Variants in GNA11 observed in about 807,000 individuals in gnomAD.
GNA11 encodes guanine nucleotide-binding protein subunit alpha-11.
Under a neutral mutation model 38.2 loss-of-function variants are expected in GNA11, and 8 were observed. That is an observed-to-expected ratio of 0.21 (90% confidence interval 0.12 to 0.38). GNA11 has a LOEUF of 0.38. Among genes scored for constraint, GNA11 ranks in the 10% least tolerant of loss-of-function variants. GNA11 has a pLI of 1.00. For missense variants in GNA11, 268 were observed against 516.3 expected (o/e 0.52, Z 4.66); for synonymous variants, 211 against 221.4 (o/e 0.95, Z 0.42).
chr19:3,120,608 C>G lies in GNA11; in HGVS notation c.890-381C>G, dbSNP rs1034725567. ...CTGTTCCTGCTCTGTAGGCTCTGTG[C>G]CCAGCCCTGGGGGCCTCTCCTCTCA... On this transcript the variant is annotated intron_variant, in intron 6 of 6. Transcript: ENST00000078429. The surrounding 1 kb of genome is among the most constrained non-coding windows in gnomAD (Gnocchi z 5.9). Among the ~76,000 whole-genome samples, 1 of 152,138 alleles carries G rather than the reference C, an allele frequency of 6.6e-6. No individual in the cohort carries two copies. The highest frequency in any genetic ancestry group is 1.5e-5 in the Non-Finnish European group (1 of 67,992).
At position 3,120,712 on chromosome 19, in the gene GNA11, G is replaced by A. The variant is rs747100122; in HGVS notation, c.890-277G>A. Among the ~76,000 whole-genome samples the A allele has an allele frequency of 5.9e-5, 9 of 152,142 alleles. No homozygotes were observed. The highest frequency in any genetic ancestry group is 9.7e-5 in the African/African-American group (4 of 41,434). ...CTGTGGAGCTGAGTGGATAGAGGCC[G>A]GCAGAGGGCTGAGCAGAGGGAGCAG... On this transcript the variant is annotated intron_variant, in intron 6 of 6. Coordinates refer to ENST00000078429, the MANE Select transcript of GNA11 (RefSeq NM_002067.5). This position sits in a 1 kb window ranked among gnomAD's most constrained non-coding sequence, Gnocchi z 5.9.
chr19:3,112,650 C>T (rs893285176), intron 2 of GNA11, among the ~76,000 whole-genome samples: 1 of 152,238 alleles, frequency 6.6e-6, no homozygotes, highest in Admixed American at 6.5e-5. Context: ...TGATGCCACC[C>T]GCCGCCCAGG....
Position 3,094,845 on chromosome 19 carries a change from G to C in GNA11, c.136+58G>C, listed in dbSNP as rs1030767956. The C allele has an allele frequency of 1.5e-6, 2 of 1,326,064 alleles. No homozygotes were observed. Among genetic ancestry groups the C allele is most frequent in the South Asian group, 1.6e-5 (1 of 62,728 alleles). 82.1% of individuals were successfully genotyped at this position (1,326,064 alleles called of 1,614,324 possible). ...GCCCTGCCCTGCCTGTGCCTGCCCT[G>C]CCTGTCCGGGTCGGGCCGGGACCCT... On this transcript the variant is annotated intron_variant, in intron 1 of 6. Coordinates refer to ENST00000078429, the MANE Select transcript of GNA11 (RefSeq NM_002067.5). This position sits in a 1 kb window ranked among gnomAD's most constrained non-coding sequence, Gnocchi z 6.0.
chr19:3,119,922 A>C lies in GNA11; in HGVS notation c.889+563A>C, dbSNP rs572315003. On this transcript the variant is annotated intron_variant, in intron 6 of 6. Coordinates refer to ENST00000078429, the MANE Select transcript of GNA11 (RefSeq NM_002067.5). This position sits in a 1 kb window ranked among gnomAD's most constrained non-coding sequence, Gnocchi z 4.6. ...CCTGCCCCACGGGGTGTGTCAGGGCAGCTGAGCACTGAGGGTCTTCACATG... is the reference window on the plus strand; with the variant it reads ...CCTGCCCCACGGGGTGTGTCAGGGCCGCTGAGCACTGAGGGTCTTCACATG... Among the ~76,000 whole-genome samples the C allele has an allele frequency of 4.5e-4, 68 of 150,798 alleles. No individual in the cohort carries two copies. The highest frequency in any genetic ancestry group is 1.6e-3 in the African/African-American group (67 of 41,020).
chr19:3,106,135 G>A (rs1413629654), intron 1 of GNA11, among the ~76,000 whole-genome samples: 6 of 152,280 alleles, frequency 3.9e-5, no homozygotes, highest in South Asian at 4.1e-4. Flanking sequence ...GCTGAGGCCC[G>A]AGTTGGGGCT....
intron 1 of GNA11, among the ~76,000 whole-genome samples, chr19:3,096,491 C>G (rs1167636165): frequency 2.0e-5 from 3 of 152,212 alleles, no homozygotes; most frequent in Admixed American, 6.5e-5. Context: ...TCCAGAACCC[C>G]CGCCGCCATC....
intron 4 of GNA11, among the ~76,000 whole-genome samples, chr19:3,116,876 G>A (rs559351599): frequency 3.9e-5 from 6 of 152,134 alleles, no homozygotes; most frequent in African/African-American, 7.2e-5. Flanking sequence ...GGTTTTCCTC[G>A]AGAGCCCTGC....
intron 1 of GNA11, among the ~76,000 whole-genome samples, chr19:3,096,121 G>A (rs1267150062): frequency 6.6e-6 from 1 of 152,128 alleles, no homozygotes; most frequent in Non-Finnish European, 1.5e-5. Context: ...GAGGCAGGTC[G>A]CATGTTGTGT....
At chr19:3,106,942 A>G (rs1913653854) in intron 1 of GNA11, among the ~76,000 whole-genome samples, 1 of 152,234 alleles carries the variant, frequency 6.6e-6, no homozygotes, top group Non-Finnish European at 1.5e-5. Context: ...CCTTCCTTAC[A>G]AAACGCAAAA....
intron 1 of GNA11, among the ~76,000 whole-genome samples, chr19:3,104,035 T>C (rs1913575048): frequency 6.6e-6 from 1 of 152,200 alleles, no homozygotes; most frequent in African/African-American, 2.4e-5. Context: ...TTGGCTAGGC[T>C]GGTCTTGAAC....
chr19:3,103,519 CTTTTTTTTTTTT>C lies in GNA11; in HGVS notation c.137-6610_137-6599del, dbSNP rs760497682. ...TGAGCCACTGCGCCCGGCCTTGAATCTTTTTTTTTTTTTTTTTTTTTTTTTTTTTTTGAGACA... is the reference window on the plus strand; with the variant it reads ...TGAGCCACTGCGCCCGGCCTTGAATCTTTTTTTTTTTTTTTTTTTGAGACA... On this transcript the variant is annotated intron_variant, in intron 1 of 6. Transcript: ENST00000078429. 2.0e-3 allele frequency among the ~76,000 whole-genome samples: 91 copies of C among 45,814 alleles called. 1 individual carries two copies. The highest frequency in any genetic ancestry group is 4.6e-3 in the African/African-American group (57 of 12,506). The allele number at this position is 45,814 out of a possible 152,430, so 30.1% of individuals were successfully genotyped here.
chr19:3,094,399 G>C lies in GNA11; in HGVS notation c.-253G>C, dbSNP rs1273563567. ...GCTGTCGCTCGGTTGCGGCGGCTGCGGTTGGCGGTGGCTGCGGCGGCGGCG... is the reference window on the plus strand; with the variant it reads ...GCTGTCGCTCGGTTGCGGCGGCTGCCGTTGGCGGTGGCTGCGGCGGCGGCG... On this transcript the variant is annotated 5_prime_UTR_variant, in exon 1 of 7. Transcript: ENST00000078429. This position sits in a 1 kb window ranked among gnomAD's most constrained non-coding sequence, Gnocchi z 6.0. 6.7e-6 allele frequency: 1 copy of C among 149,198 alleles called. No individual in the cohort carries two copies. The highest frequency in any genetic ancestry group is 1.5e-5 in the Non-Finnish European group (1 of 66,698). The allele number at this position is 149,198 out of a possible 1,614,324, so 9.2% of individuals were successfully genotyped here.
chr19:3,102,296 C>T (rs1487361333), intron 1 of GNA11, among the ~76,000 whole-genome samples: 1 of 152,206 alleles, frequency 6.6e-6, no homozygotes, highest in East Asian at 1.9e-4. Flanking sequence ...ACCTTTGAGG[C>T]ACCTGGGGAC....
At position 3,123,188 on chromosome 19, in the gene GNA11, C is replaced by T; in HGVS notation, c.*2009C>T. On this transcript the variant is annotated 3_prime_UTR_variant, in exon 7 of 7. Coordinates refer to ENST00000078429, the MANE Select transcript of GNA11 (RefSeq NM_002067.5). ...TGAGGGCCTAGATTGCACAAGGTGA[C>T]CTGGCCGTGGCCTGAGGGTGGAGTC... 4.3e-6 allele frequency: 1 copy of T among 233,338 alleles called. No individual in the cohort carries two copies. Among genetic ancestry groups the T allele is most frequent in the East Asian group, 6.0e-5 (1 of 16,574 alleles). 14.5% of individuals were successfully genotyped at this position (233,338 alleles called of 1,614,324 possible).
chr19:3,110,184 C>T lies in GNA11; in HGVS notation c.172C>T (p.Gln58Ter), dbSNP rs2145315478. The T allele has an allele frequency of 6.2e-7, 1 of 1,613,010 alleles. No individual in the cohort carries two copies. Among genetic ancestry groups the T allele is most frequent in the Non-Finnish European group, 8.5e-7 (1 of 1,179,604 alleles). Residue 58 changes from glutamine (Q) to a stop codon, truncating the protein, a stop_gained, in exon 2 of 7, where the codon CAG (glutamine) becomes TAG (stop). Coordinates refer to ENST00000078429, the MANE Select transcript of GNA11 (RefSeq NM_002067.5). LOFTEE classifies it high-confidence loss of function. This position sits in a 1 kb window ranked among gnomAD's most constrained non-coding sequence, Gnocchi z 5.4. The stretch of plus-strand genomic sequence containing the variant: ...GAGCGGGAAGAGCACGTTCATCAAG[C>T]AGATGCGCATCATCCACGGCGCCGG... Reference protein sequence around the residue: ...GESGKSTFIKQMRIIHGAGYS... With the variant: ...GESGKSTFIK
At chr19:3,113,136 C>A (rs368837309) in intron 2 of GNA11, among the ~76,000 whole-genome samples, 194 bp from the exon 3 acceptor site, 2 of 152,250 alleles carry the variant, frequency 1.3e-5, no homozygotes, top group Non-Finnish European at 2.9e-5. Flanking sequence ...GGGCCTTGTT[C>A]GGAGGAACCA....
At chr19:3,116,833 G>A (rs573748394) in intron 4 of GNA11, among the ~76,000 whole-genome samples, 27 of 152,324 alleles carry the variant, frequency 1.8e-4, no homozygotes, top group African/African-American at 5.8e-4. Flanking sequence ...GTGCACTGCC[G>A]AGGCCATTGT....
chr19:3,095,692 G>A (rs1187504963), intron 1 of GNA11, among the ~76,000 whole-genome samples: 1 of 152,108 alleles, frequency 6.6e-6, no homozygotes, highest in Non-Finnish European at 1.5e-5. Flanking sequence ...AGCTGAGGGT[G>A]GGGCGGTTGA....
At chr19:3,095,253 G>A (rs1309881320) in intron 1 of GNA11, among the ~76,000 whole-genome samples, 1 of 152,162 alleles carries the variant, frequency 6.6e-6, no homozygotes, top group Non-Finnish European at 1.5e-5. Flanking sequence ...TCAGCTCCCA[G>A]CTTCTGCTGT....
Sources: gnomAD v4.1 joint callset for allele counts (sites outside exome capture counted in the v4.1 genomes callset) on GRCh38, gnomAD v4.1.1 for gene constraint, Gnocchi (gnomAD v3.1) non-coding constraint, MANE v1.5 for transcripts, NCBI Gene and HGNC (gene_info 2026-07-23, HGNC 2026-07-21) for gene names.